The following PDPR variants were observed in gnomAD, a reference collection of about 807,000 sequenced individuals.
The protein encoded by PDPR is pyruvate dehydrogenase phosphatase regulatory subunit.
A neutral mutation model predicts 102.2 loss-of-function variants in PDPR; 50 were observed. The ratio of observed to expected loss-of-function variants is 0.49; its 90% CI spans 0.39 to 0.62. The LOEUF is 0.62. PDPR is among the 20% of genes least tolerant of loss of function. The pLI is 0.00. For synonymous variants in PDPR, 259 were observed against 406.0 expected (o/e 0.64, Z 4.35); for missense variants, 625 against 1,098.2 (o/e 0.57, Z 6.09).
intron 18 of PDPR, among the ~76,000 whole-genome samples, chr16:70,153,909 G>A (rs1044376512): frequency 6.6e-6 from 1 of 152,266 alleles, no homozygotes; most frequent in South Asian, 2.1e-4. Context: ...GCCGGGCACG[G>A]TGGCTCACAC....
chr16:70,143,155 C>T (rs1315341888), intron 13 of PDPR, among the ~76,000 whole-genome samples: 4 of 152,126 alleles, frequency 2.6e-5, no homozygotes, highest in Non-Finnish European at 5.9e-5. Context: ...CGCCACTGCA[C>T]TCAGCCTGGG....
intron 18 of PDPR, 139 bp from the exon 19 acceptor site, chr16:70,156,336 T>A: frequency 9.4e-7 from 1 of 1,064,254 alleles, no homozygotes; most frequent in South Asian, 1.8e-5. Flanking sequence ...TCGCACAGTT[T>A]CCCAAAAGCT....
rs927325897 is a variant in PDPR at position 70,154,048 on chromosome 16, G to A, written c.2235+475G>A. Among the ~76,000 whole-genome samples, 8 of 152,246 alleles carry A rather than the reference G, an allele frequency of 5.3e-5. No individual in the cohort carries two copies. The South Asian group carries it at 6.2e-4, about 12-fold the overall frequency. On this transcript the variant is annotated intron_variant, in intron 18 of 18. Coordinates refer to ENST00000288050, the MANE Select transcript of PDPR (RefSeq NM_017990.5). Reference sequence around the variant, plus strand: ...CAAAAAATTAGCCGGGTGTGGTTGCGGGCGCCTATAGTCAGGAGAATGGCG... The same window carrying A: ...CAAAAAATTAGCCGGGTGTGGTTGCAGGCGCCTATAGTCAGGAGAATGGCG...
downstream of PDPR, among the ~76,000 whole-genome samples, chr16:70,163,208 A>C (rs1177361373): frequency 5.3e-5 from 8 of 152,200 alleles, no homozygotes; most frequent in Non-Finnish European, 8.8e-5. Context: ...TTGGCCTCCC[A>C]AAGTGCTGGG....
intron 6 of PDPR, among the ~76,000 whole-genome samples, chr16:70,129,638 T>G (rs934176327): frequency 6.6e-6 from 1 of 152,276 alleles, no homozygotes; most frequent in African/African-American, 2.4e-5. Context: ...CGTGAGCCAC[T>G]GTGCCCTGCC....
chr16:70,138,823 T>C, intron 10 of PDPR, 76 bp from the exon 11 acceptor site: 4 of 1,600,658 alleles, frequency 2.5e-6, no homozygotes, highest in Non-Finnish European at 3.4e-6. Context: ...TTGATTCTGT[T>C]TGTTCTCGAT....
chr16:70,147,702 T>A (rs1188431634), intron 16 of PDPR: 1 of 424,642 alleles, frequency 2.4e-6, no homozygotes, highest in East Asian at 7.2e-5. Flanking sequence ...TCTTTGAAGT[T>A]CACCCAAAGT....
intron 2 of PDPR, among the ~76,000 whole-genome samples, chr16:70,119,511 C>G (rs914689420): frequency 6.7e-6 from 1 of 149,540 alleles, no homozygotes; most frequent in African/African-American, 2.5e-5. Flanking sequence ...CCAGCATTGT[C>G]TTAGATCATC....
chr16:70,131,597 G>A (rs1964544648), intron 8 of PDPR, 178 bp downstream of exon 8: 1 of 894,534 alleles, frequency 1.1e-6, no homozygotes. Context: ...TGAAAGGATG[G>A]CCAAAATTTC....
chr16:70,118,092 CAA>C (rs67379775), intron 2 of PDPR, among the ~76,000 whole-genome samples: 106 of 105,722 alleles, frequency 1.0e-3, no homozygotes, highest in African/African-American at 7.8e-4. Flanking sequence ...GACTCTGTCT[CAA>C]AAAAAAAAAA....
chr16:70,120,203 C>T, intron 2 of PDPR: 1 of 356,380 alleles, frequency 2.8e-6, no homozygotes, highest in Non-Finnish European at 5.4e-6. Context: ...GTGTGAGCCA[C>T]TGCGCCCAGC....
chr16:70,145,840 AT>A lies in PDPR; in HGVS notation c.1868-291del, dbSNP rs1404379248. Reference sequence around the variant, plus strand: ...TTGGGCAGATCTCCACCGGGTACTGATTTGGGGTTGGGGCTTCTTCCATCAC... The same window carrying A: ...TTGGGCAGATCTCCACCGGGTACTGATTGGGGTTGGGGCTTCTTCCATCAC... On this transcript the variant is annotated intron_variant, in intron 15 of 18. Transcript: ENST00000288050. 3 of 482,290 alleles carry A rather than the reference AT, an allele frequency of 6.2e-6. No homozygotes were observed. The East Asian group carries it at 1.6e-4, about 25-fold the overall frequency. 29.9% of individuals were successfully genotyped at this position (482,290 alleles called of 1,614,324 possible). A position where few individuals can be genotyped will look rare whatever the true frequency, so the allele number is the denominator to read the frequency against.
At chr16:70,143,471 T>C in intron 13 of PDPR, 39 bp from the exon 14 acceptor site, 1 of 1,607,830 alleles carries the variant, frequency 6.2e-7, no homozygotes, top group Non-Finnish European at 8.5e-7. Context: ...CCAGGTGCTC[T>C]CACGCTCACT....
intron 2 of PDPR, among the ~76,000 whole-genome samples, chr16:70,118,352 G>A (rs1962868103): frequency 1.3e-5 from 2 of 152,232 alleles, no homozygotes; most frequent in Admixed American, 6.5e-5. Context: ...AGGGAAGAAA[G>A]GAGGTGAAAT....
In PDPR at chr16:70,156,543, CAT is replaced by C; in HGVS notation, c.2305_2306del (p.Met769ValfsTer7). On this transcript the variant is annotated frameshift_variant, in exon 19 of 19. Transcript: ENST00000288050. LOFTEE classifies it high-confidence loss of function. The stretch of plus-strand genomic sequence containing the variant: ...AGAATGGAGTGTATAAACGCCTCAC[CAT>C]GTTCATCCTGGACGACCATGATTCA... ...KQNGVYKRLTMFILDDHDSDL... is the reference protein window; with the variant it reads ...KQNGVYKRLTXFILDDHDSDL... The C allele has an allele frequency of 6.2e-7, 1 of 1,614,086 alleles. No individual in the cohort carries two copies. The highest frequency in any genetic ancestry group is 8.5e-7 in the Non-Finnish European group (1 of 1,179,910).
At chr16:70,124,175 C>G (rs1198579060) in intron 3 of PDPR, among the ~76,000 whole-genome samples, 3 of 152,266 alleles carry the variant, frequency 2.0e-5, no homozygotes, top group Admixed American at 2.0e-4. Context: ...CCAGCCTGCC[C>G]AACATGGGGA....
chr16:70,136,857 C>G (rs1965193959), intron 10 of PDPR, among the ~76,000 whole-genome samples: 1 of 152,218 alleles, frequency 6.6e-6, no homozygotes, highest in Non-Finnish European at 1.5e-5. Flanking sequence ...ATTCTCCTAC[C>G]TCAGCCTCCC....
intron 4 of PDPR, among the ~76,000 whole-genome samples, chr16:70,128,180 A>C (rs545736400): frequency 1.2e-4 from 18 of 152,060 alleles, no homozygotes; most frequent in Non-Finnish European, 2.2e-4. Flanking sequence ...ACTGCCTAAA[A>C]GGTGGGAAGA....
intron 10 of PDPR, among the ~76,000 whole-genome samples, chr16:70,136,804 A>G (rs1267970852): frequency 1.3e-5 from 2 of 152,208 alleles, no homozygotes; most frequent in Non-Finnish European, 2.9e-5. Flanking sequence ...ATGCAGTGAC[A>G]TGATCTCAGG....
Sources: allele counts gnomAD v4.1 joint callset (sites outside exome capture counted in the v4.1 genomes callset), GRCh38; gene constraint gnomAD v4.1.1; transcripts MANE v1.5; gene names NCBI Gene and HGNC (gene_info 2026-07-23, HGNC 2026-07-21).